Variants in IL1RAPL1 observed in about 807,000 individuals in gnomAD.
IL1RAPL1 encodes interleukin-1 receptor accessory protein-like 1.
In IL1RAPL1, 3 loss-of-function variants were observed where a neutral mutation model predicts 48.4. The observed-to-expected ratio is 0.06, with a 90% CI of 0.03 to 0.16. The LOEUF (loss-of-function observed/expected upper bound fraction) is 0.16, where lower values mean the gene tolerates loss of function less well. Ranked by LOEUF, IL1RAPL1 falls within the 10% of genes least tolerant of loss-of-function variation. IL1RAPL1 has a pLI of 1.00. For missense variants in IL1RAPL1, 349 were observed against 530.6 expected (o/e 0.66, Z 3.36); for synonymous variants, 185 against 187.7 (o/e 0.99, Z 0.12).
chrX:29,631,838 T>G (rs563196241), intron 5 of IL1RAPL1, among the ~76,000 whole-genome samples: 1 of 111,283 alleles, frequency 9.0e-6, no homozygotes, highest in South Asian at 3.8e-4. Flanking sequence ...TACAGCTAAT[T>G]GAATCACACA....
chrX:29,380,125 TC>T (rs1200338558), intron 3 of IL1RAPL1, among the ~76,000 whole-genome samples: 3 of 110,662 alleles, frequency 2.7e-5, no homozygotes, highest in Non-Finnish European at 3.8e-5. Context: ...TTTTTTTTTT[TC>T]CTACTAGATT....
intron 6 of IL1RAPL1, among the ~76,000 whole-genome samples, chrX:29,868,517 A>G (rs1029744645): frequency 4.5e-5 from 5 of 111,944 alleles, no homozygotes; most frequent in African/African-American, 1.6e-4. Flanking sequence ...CCCCTGCTCT[A>G]ATGCTTAACA....
rs1381371967 is a variant in IL1RAPL1 at position 28,723,844 on chromosome X, G to A, written c.-24-65476G>A. Among the ~76,000 whole-genome samples, 3 of 111,655 alleles carry A rather than the reference G, an allele frequency of 2.7e-5. No homozygotes were observed. In the Admixed American group the frequency reaches 2.9e-4, roughly 11 times the overall value. The stretch of plus-strand genomic sequence containing the variant: ...ACATCTTTATTTCTGCCTTCATTTC[G>A]TTATGTACCCAGTAGTCATTCAGAA... On this transcript the variant is annotated intron_variant, in intron 1 of 10. Coordinates refer to ENST00000378993, the MANE Select transcript of IL1RAPL1 (RefSeq NM_014271.4).
chrX:28,761,639 T>C (rs1244427431), intron 1 of IL1RAPL1, among the ~76,000 whole-genome samples: 1 of 111,008 alleles, frequency 9.0e-6, no homozygotes, highest in Non-Finnish European at 1.9e-5. Context: ...ACCTGTTGGG[T>C]ACCATCCCCA....
At chrX:29,616,983 T>G (rs1924309076) in intron 5 of IL1RAPL1, among the ~76,000 whole-genome samples, 1 of 111,657 alleles carries the variant, frequency 9.0e-6, no homozygotes, top group African/African-American at 3.3e-5. Context: ...CTACGCTGTA[T>G]TCTCCTAATA....
chrX:29,327,137 G>C (rs2147630392), intron 3 of IL1RAPL1, among the ~76,000 whole-genome samples: 1 of 111,044 alleles, frequency 9.0e-6, no homozygotes, highest in Admixed American at 9.6e-5. Flanking sequence ...ATTATTCTGG[G>C]TACTAAGATG....
At chrX:29,813,400 G>T (rs1930421030) in intron 6 of IL1RAPL1, among the ~76,000 whole-genome samples, 1 of 110,740 alleles carries the variant, frequency 9.0e-6, no homozygotes, top group Non-Finnish European at 1.9e-5. Context: ...CAAATGCCAA[G>T]ATTCTGATGT....
intron 2 of IL1RAPL1, among the ~76,000 whole-genome samples, chrX:28,836,680 A>T (rs1921226281): frequency 9.1e-6 from 1 of 110,324 alleles, no homozygotes; most frequent in Non-Finnish European, 1.9e-5. Context: ...GATCTACGAG[A>T]AGGAAACTTA....
At chrX:29,526,961 C>A (rs1409184918) in intron 5 of IL1RAPL1, among the ~76,000 whole-genome samples, 1 of 111,549 alleles carries the variant, frequency 9.0e-6, no homozygotes, top group African/African-American at 3.3e-5. Flanking sequence ...GGGAAAAACA[C>A]TAAAAAGGAA....
intron 6 of IL1RAPL1, among the ~76,000 whole-genome samples, chrX:29,806,063 TCAGAAATACAG>T (rs1169038093): frequency 2.9e-4 from 31 of 108,300 alleles, no homozygotes; most frequent in Non-Finnish European, 5.6e-4. Flanking sequence ...AGAATAGGGA[TCAGAAATACAG>T]CTGATTCAGT....
intron 2 of IL1RAPL1, among the ~76,000 whole-genome samples, chrX:29,061,934 A>G (rs1269273666): frequency 4.4e-5 from 5 of 112,421 alleles, no homozygotes; most frequent in Non-Finnish European, 9.4e-5. Flanking sequence ...ATGGATTTAC[A>G]TACTACCAAG....
intron 6 of IL1RAPL1, among the ~76,000 whole-genome samples, chrX:29,885,186 C>T (rs947150664): frequency 8.9e-6 from 1 of 111,899 alleles, no homozygotes; most frequent in Non-Finnish European, 1.9e-5. Context: ...TGCAATAACA[C>T]ATCCTCCTGG....
chrX:29,084,646 T>C (rs1426637051), intron 2 of IL1RAPL1, among the ~76,000 whole-genome samples: 2 of 112,510 alleles, frequency 1.8e-5, no homozygotes, highest in Non-Finnish European at 3.8e-5. Flanking sequence ...TGTGGGCTTA[T>C]TTTCCTAATG....
rs759678261 is a variant in IL1RAPL1, at chrX:29,144,552, G to A, written c.83-138386G>A. Among the ~76,000 whole-genome samples, 61 of 86,457 alleles carry A rather than the reference G, an allele frequency of 7.1e-4. 1 individual carries two copies. The highest frequency in any genetic ancestry group is 2.3e-3 in the African/African-American group (50 of 21,989). 75.1% of individuals were successfully genotyped at this position (86,457 alleles called of 115,157 possible). The stretch of plus-strand genomic sequence containing the variant: ...TGAGAGACAGAGATTGCAGTGAGCC[G>A]AGATCACACCATTGCATTCCAGCCT... On this transcript the variant is annotated intron_variant, in intron 2 of 10. Transcript: ENST00000378993.
At chrX:29,134,999 G>T (rs996046799) in intron 2 of IL1RAPL1, among the ~76,000 whole-genome samples, 3 of 111,685 alleles carry the variant, frequency 2.7e-5, no homozygotes, top group Non-Finnish European at 5.6e-5. Context: ...TGTGACCAAA[G>T]ATATAGAGCA....
intron 5 of IL1RAPL1, among the ~76,000 whole-genome samples, chrX:29,501,359 C>G (rs1935271371): frequency 9.0e-6 from 1 of 111,279 alleles, no homozygotes; most frequent in Admixed American, 9.5e-5. Context: ...CTTTTGAGGT[C>G]TCACACAAAA....
intron 2 of IL1RAPL1, among the ~76,000 whole-genome samples, chrX:29,172,525 A>G (rs779778395): frequency 8.9e-6 from 1 of 112,018 alleles, no homozygotes; most frequent in Non-Finnish European, 1.9e-5. Context: ...GTCTTGGTGT[A>G]GCTTGTTTAT....
rs773090437 is a variant in IL1RAPL1 at position 29,035,634 on chromosome X, CCTT to C, written c.82+246213_82+246215del. ...CCAGCTTGGGTGACAGAGCGAGACT[CCTT>C]CTTAAAAAAAAAATGTTAATATAAA... On this transcript the variant is annotated intron_variant, in intron 2 of 10. Transcript: ENST00000378993. Among the ~76,000 whole-genome samples the C allele has an allele frequency of 3.2e-4, 35 of 109,419 alleles. 1 individual carries two copies. The East Asian group carries it at 7.8e-3, about 24-fold the overall frequency.
intron 2 of IL1RAPL1, among the ~76,000 whole-genome samples, chrX:29,235,583 T>C (rs1931275979): frequency 9.0e-6 from 1 of 111,593 alleles, no homozygotes; most frequent in Admixed American, 9.5e-5. Flanking sequence ...GTCATTTGTG[T>C]GAGGGTATGT....
Sources: allele counts gnomAD v4.1 joint callset (sites outside exome capture counted in the v4.1 genomes callset), GRCh38; gene constraint gnomAD v4.1.1; transcripts MANE v1.5; gene names NCBI Gene and HGNC (gene_info 2026-07-23, HGNC 2026-07-21).